GYG1: variants seen among roughly 807,000 people sequenced by gnomAD.
GYG1 encodes glycogenin-1.
GYG1 carries 44 observed loss-of-function variants against 41.9 expected under a neutral mutation model. The observed-to-expected ratio is 1.05, with a 90% CI of 0.83 to 1.35. The LOEUF (loss-of-function observed/expected upper bound fraction) is 1.35, where lower values mean the gene tolerates loss of function less well. Ranked by LOEUF, GYG1 falls within the 40% of genes most tolerant of loss-of-function variation. GYG1 has a pLI of 0.00. For synonymous variants in GYG1, 141 were observed against 158.1 expected (o/e 0.89, Z 0.81); for missense variants, 429 against 418.9 (o/e 1.02, Z -0.21).
chr3:148,998,442 C>T (rs370293171), intron 4 of GYG1, among the ~76,000 whole-genome samples: 11 of 152,246 alleles, frequency 7.2e-5, no homozygotes, highest in African/African-American at 2.6e-4. Flanking sequence ...CTACAATGCA[C>T]AAGACGATTT....
At chr3:149,013,979 G>T (rs899557006) in intron 5 of GYG1, among the ~76,000 whole-genome samples, 4 of 152,214 alleles carry the variant, frequency 2.6e-5, no homozygotes, top group Non-Finnish European at 5.9e-5. Flanking sequence ...AACCTGGAGC[G>T]TGTACCTTGT....
rs35054019 is a variant in GYG1, at chr3:148,996,875, A to G, written c.452A>G (p.His151Arg). 10 of 1,613,756 alleles carry G rather than the reference A, an allele frequency of 6.2e-6. No homozygotes were observed. The highest frequency in any genetic ancestry group is 1.3e-5 in the African/African-American group (1 of 74,886). Residue 151 changes from histidine to arginine, a missense_variant, in exon 4 of 8, where the codon CAT (histidine) becomes CGT (arginine). By Grantham distance (29) the His-to-Arg change is conservative. Coordinates refer to ENST00000345003, the MANE Select transcript of GYG1 (RefSeq NM_004130.4). ...GTTGAAACATACAATCAGCTGTTGC[A>G]TCTTGCTTCTGAGCAAGGTAGTTTT... Reference protein sequence around the residue: ...PSVETYNQLLHLASEQGSFDG... With the variant: ...PSVETYNQLLRLASEQGSFDG...
chr3:149,014,177 G>C (rs1365704651), intron 5 of GYG1, among the ~76,000 whole-genome samples: 1 of 152,106 alleles, frequency 6.6e-6, no homozygotes, highest in Non-Finnish European at 1.5e-5. Flanking sequence ...CTCGGTGATA[G>C]TGATGCCTCT....
At chr3:149,006,821 T>A (rs774995458) in intron 4 of GYG1, among the ~76,000 whole-genome samples, 1 of 152,238 alleles carries the variant, frequency 6.6e-6, no homozygotes, top group Non-Finnish European at 1.5e-5. Context: ...AGTCCCACAT[T>A]TGGGTATCTT....
intron 4 of GYG1, among the ~76,000 whole-genome samples, chr3:148,998,638 CGTG>C (rs111571313): frequency 0.015 from 2,353 of 152,246 alleles, 71 homozygotes; most frequent in African/African-American, 0.054. Flanking sequence ...AAATGTTCAC[CGTG>C]GTCAAGGCCG....
At chr3:149,020,392 A>G (rs1714300393) in intron 5 of GYG1, among the ~76,000 whole-genome samples, 2 of 152,214 alleles carry the variant, frequency 1.3e-5, no homozygotes, top group Non-Finnish European at 2.9e-5. Context: ...AATGTCTTAC[A>G]ATAGCAGCCT....
intron 5 of GYG1, among the ~76,000 whole-genome samples, chr3:149,011,355 A>G (rs753233308): frequency 2.0e-5 from 3 of 152,252 alleles, no homozygotes; most frequent in Non-Finnish European, 2.9e-5. Flanking sequence ...TTTGTCTATA[A>G]TAGGACATTT....
chr3:149,006,215 TG>T (rs1713398254), intron 4 of GYG1, among the ~76,000 whole-genome samples: 1 of 151,524 alleles, frequency 6.6e-6, no homozygotes, highest in Non-Finnish European at 1.5e-5. Flanking sequence ...CCCAAGTAGC[TG>T]GAACTATAGG....
intron 4 of GYG1, among the ~76,000 whole-genome samples, chr3:149,005,792 G>A (rs1378202858): frequency 6.6e-6 from 1 of 152,256 alleles, no homozygotes; most frequent in Non-Finnish European, 1.5e-5. Flanking sequence ...CCATGCAGTT[G>A]TAAGAAATAA....
At chr3:148,993,778 A>G (rs186554808) in intron 1 of GYG1, among the ~76,000 whole-genome samples, 1 of 152,360 alleles carries the variant, frequency 6.6e-6, no homozygotes, top group East Asian at 1.9e-4. Context: ...AACACTGTCT[A>G]CAGTACCTTG....
rs111654185 is a variant in GYG1, at chr3:149,016,166, C to G, written c.608+6764C>G. Among the ~76,000 whole-genome samples the G allele has an allele frequency of 5.8e-3, 848 of 146,700 alleles. 10 individuals carry two copies. The highest frequency in any genetic ancestry group is 0.02 in the African/African-American group (799 of 39,448). On this transcript the variant is annotated intron_variant, in intron 5 of 7. Transcript: ENST00000345003. ...GTCCCAGCTACTCAGGAGGCTGAGG[C>G]AGGAGAATGGCGTGAACCCAGGAGG...
chr3:149,015,714 G>T (rs1266008295), intron 5 of GYG1, among the ~76,000 whole-genome samples: 1 of 152,164 alleles, frequency 6.6e-6, no homozygotes, highest in Non-Finnish European at 1.5e-5. Context: ...AGAATTGGAG[G>T]CAGTGAATGT....
Position 149,003,937 on chromosome 3 carries a change from CTT to C in GYG1, c.482-5338_482-5337del, listed in dbSNP as rs564028241. 2.6e-5 allele frequency: 4 copies of C among 152,312 alleles called. No individual in the cohort carries two copies. In the East Asian group the frequency reaches 7.7e-4, roughly 29 times the overall value. 9.4% of individuals were successfully genotyped at this position (152,312 alleles called of 1,614,324 possible). On this transcript the variant is annotated intron_variant, in intron 4 of 7. Coordinates refer to ENST00000345003, the MANE Select transcript of GYG1 (RefSeq NM_004130.4). Reference sequence around the variant, plus strand: ...AGATTTAAAAAGACACCACTTAACTCTTGTTTCTGTCTTAGGAAACAAATAGG... The same window carrying C: ...AGATTTAAAAAGACACCACTTAACTCGTTTCTGTCTTAGGAAACAAATAGG...
chr3:148,996,416 G>T lies in GYG1; in HGVS notation c.258G>T (p.Lys86Asn). ...CAGAGTTGGGTGTCACGCTGACAAA[G>T]CTCCACTGCTGGTCGCTTACACAGT... ...KRPELGVTLT[K>N]LHCWSLTQYS... The change falls in exon 3 of 8, where the codon AAG becomes AAT. Residue 86 changes from lysine (K) to asparagine (N), a missense_variant. By Grantham distance (94) the Lys-to-Asn change is moderately conservative. Coordinates refer to ENST00000345003, the MANE Select transcript of GYG1 (RefSeq NM_004130.4). 6.2e-7 allele frequency: 1 copy of T among 1,613,968 alleles called. No individual in the cohort carries two copies. The highest frequency in any genetic ancestry group is 8.5e-7 in the Non-Finnish European group (1 of 1,179,932).
At chr3:149,005,236 A>T (rs34578445) in intron 4 of GYG1, among the ~76,000 whole-genome samples, 9 of 151,952 alleles carry the variant, frequency 5.9e-5, no homozygotes, top group South Asian at 2.1e-4. Context: ...GTATTTAGAA[A>T]GAAAAGATCT....
chr3:149,007,107 T>C (rs933324788), intron 4 of GYG1, among the ~76,000 whole-genome samples: 3 of 152,238 alleles, frequency 2.0e-5, no homozygotes, highest in African/African-American at 7.2e-5. Flanking sequence ...TCCTGGGTCA[T>C]AGACAGCTTT....
chr3:149,023,845 G>A (rs1268118971), intron 5 of GYG1, among the ~76,000 whole-genome samples: 1 of 151,178 alleles, frequency 6.6e-6, no homozygotes, highest in African/African-American at 2.4e-5. Flanking sequence ...ACATTAGCTA[G>A]GCATGGTGGC....
chr3:148,999,537 AG>A (rs776009126), intron 4 of GYG1, among the ~76,000 whole-genome samples: 2 of 152,184 alleles, frequency 1.3e-5, no homozygotes, highest in Non-Finnish European at 2.9e-5. Flanking sequence ...TTCTCTCTGG[AG>A]GGGTTTACTA....
intron 5 of GYG1, among the ~76,000 whole-genome samples, chr3:149,022,976 A>G (rs987349777): frequency 6.6e-6 from 1 of 152,144 alleles, no homozygotes; most frequent in Non-Finnish European, 1.5e-5. Context: ...AAAGATGGCT[A>G]TATAACTATA....
Sources: allele counts gnomAD v4.1 joint callset (sites outside exome capture counted in the v4.1 genomes callset), GRCh38; gene constraint gnomAD v4.1.1; transcripts MANE v1.5; gene names NCBI Gene and HGNC (gene_info 2026-07-23, HGNC 2026-07-21).